Variants in NUDT13 observed in about 807,000 individuals in gnomAD.
The protein encoded by NUDT13 is nudix hydrolase 13.
A neutral mutation model predicts 41.7 loss-of-function variants in NUDT13; 40 were observed. The observed-to-expected ratio is 0.96, with a 90% confidence interval of 0.75 to 1.25. The LOEUF is 1.25. NUDT13 is among the 50% of genes most tolerant of loss of function. The pLI is 0.00. For missense variants in NUDT13, 390 were observed against 416.1 expected, an observed-to-expected ratio of 0.94 and a Z score of 0.55; for synonymous variants, 145 against 155.5, an observed-to-expected ratio of 0.93 and a Z score of 0.50.
At chr10:73,123,879 G>C (rs1311377478) in intron 4 of NUDT13, among the ~76,000 whole-genome samples, 1 of 151,964 alleles carries the variant, frequency 6.6e-6, no homozygotes, top group Non-Finnish European at 1.5e-5. Context: ...GGCTGGTCTC[G>C]AACTCCTGAC....
rs1842741319 is a variant in NUDT13 at position 73,125,222 on chromosome 10, T to A, written c.570T>A (p.Asn190Lys). Reference sequence around the variant, plus strand: ...GCAGCAAGCGTGTGTGCCCTTCCAATAATATAATCTATTATCCACAGGTAA... The same window carrying A: ...GCAGCAAGCGTGTGTGCCCTTCCAAAAATATAATCTATTATCCACAGGTAA... ...VAGSKRVCPS[N>K]NIIYYPQMAP... The change falls in exon 6 of 9, where the codon AAT becomes AAA. Residue 190 changes from asparagine to lysine, a missense_variant. Coordinates refer to ENST00000357321, the MANE Select transcript of NUDT13 (RefSeq NM_015901.6). 1 of 1,611,626 alleles carries A rather than the reference T, an allele frequency of 6.2e-7. No individual in the cohort carries two copies. The highest frequency in any genetic ancestry group is 8.5e-7 in the Non-Finnish European group (1 of 1,179,390).
rs773609984 is a variant in NUDT13 at position 73,125,472 on chromosome 10, G to A, written c.666G>A (p.Lys222=). Reference sequence around the variant, plus strand: ...TTGCCCGCCAAAGCTCCTTTCCCAAGGGAATGTATTCTGCCTTGGCAGGTT... The same window carrying A: ...TTGCCCGCCAAAGCTCCTTTCCCAAAGGAATGTATTCTGCCTTGGCAGGTT... ...CLLARQSSFP[K]GMYSALAGFC... The change falls in exon 7 of 9, where the codon AAG becomes AAA. Residue 222 remains lysine (K), a synonymous_variant. Transcript: ENST00000357321. 9.9e-6 allele frequency: 16 copies of A among 1,610,658 alleles called. No homozygotes were observed. The highest frequency in any genetic ancestry group is 1.4e-5 in the Non-Finnish European group (16 of 1,178,758).
At chr10:73,114,313 T>G in intron 1 of NUDT13, 44 bp from the exon 2 acceptor site, 1 of 1,003,172 alleles carries the variant, frequency 1.0e-6, no homozygotes, top group Non-Finnish European at 1.5e-6. Flanking sequence ...ACTTTAAATT[T>G]CATATTATGA....
rs981482394 is a variant in NUDT13 at position 73,125,476 on chromosome 10, A to G, written c.670A>G (p.Met224Val). The G allele has an allele frequency of 6.2e-7, 1 of 1,609,540 alleles. No homozygotes were observed. The highest frequency in any genetic ancestry group is 8.5e-7 in the Non-Finnish European group (1 of 1,178,204). ...LARQSSFPKG[M>V]YSALAGFCDI... ...CCGCCAAAGCTCCTTTCCCAAGGGA[A>G]TGTATTCTGCCTTGGCAGGTTTTTG... The change falls in exon 7 of 9, where the codon ATG (methionine) becomes GTG (valine). Residue 224 changes from methionine to valine, a missense_variant. Physicochemically the swap from Met to Val is conservative, Grantham distance 21. Transcript: ENST00000357321.
At chr10:73,129,033 T>G (rs1026988687) in intron 8 of NUDT13, among the ~76,000 whole-genome samples, 2 of 152,114 alleles carry the variant, frequency 1.3e-5, no homozygotes, top group Non-Finnish European at 2.9e-5. Context: ...GTCTTACATA[T>G]AGTAGGCGCA....
rs780872714 is a variant in NUDT13 at position 73,125,262 on chromosome 10, G to C, written c.591+19G>C. ...TCCACAGGTAATTATTGCTGTAAGA[G>C]GACAGTAATCCAAGAAGACTGTGCG... On this transcript the variant is annotated intron_variant, in intron 6 of 8. Transcript: ENST00000357321. 2.5e-6 allele frequency: 4 copies of C among 1,606,888 alleles called. No individual in the cohort carries two copies. The highest frequency in any genetic ancestry group is 2.7e-5 in the African/African-American group (2 of 74,484).
At position 73,130,925 on chromosome 10, in the gene NUDT13, C is replaced by T. The variant is rs769750242; in HGVS notation, c.*22C>T. ...TTAGCCCGGATCAAGTCACTTAGAT[C>T]GCTCCTTGGTATTCCTGAGGGACAA... On this transcript the variant is annotated 3_prime_UTR_variant, in exon 9 of 9. Coordinates refer to ENST00000357321, the MANE Select transcript of NUDT13 (RefSeq NM_015901.6). 1.6e-5 allele frequency: 25 copies of T among 1,595,276 alleles called. No individual in the cohort carries two copies. The East Asian group carries it at 2.5e-4, about 16-fold the overall frequency.
At chr10:73,117,858 CTAAA>C (rs988625319) in intron 2 of NUDT13, among the ~76,000 whole-genome samples, 6 of 152,118 alleles carry the variant, frequency 3.9e-5, no homozygotes, top group African/African-American at 1.4e-4. Context: ...TTAAAATAAT[CTAAA>C]TATTTTCAAC....
At chr10:73,119,868 C>A in intron 2 of NUDT13, 150 bp from the exon 3 acceptor site, 1 of 801,374 alleles carries the variant, frequency 1.2e-6, no homozygotes, top group Non-Finnish European at 2.0e-6. Context: ...ATAGCCACCT[C>A]AAACCCTTTT....
At chr10:73,113,620 C>G (rs1229985278) in intron 1 of NUDT13, among the ~76,000 whole-genome samples, 1 of 152,086 alleles carries the variant, frequency 6.6e-6, no homozygotes, top group Non-Finnish European at 1.5e-5. Context: ...TTAAGGGACC[C>G]TGAATAAAGT....
chr10:73,125,651 TTATATATATATATA>T (rs57047791), intron 7 of NUDT13, 142 bp downstream of exon 7: 12 of 196,462 alleles, frequency 6.1e-5, no homozygotes, highest in East Asian at 4.4e-4. Flanking sequence ...TTCTGGCATT[TTATATATATATATA>T]TATATATATA....
chr10:73,111,301 A>G (rs1229119343), intron 1 of NUDT13, among the ~76,000 whole-genome samples: 1 of 152,118 alleles, frequency 6.6e-6, no homozygotes, highest in East Asian at 1.9e-4. Context: ...CTTAAATACT[A>G]GGGAACCTGG....
chr10:73,115,106 A>C (rs1842475883), intron 2 of NUDT13: 1 of 152,100 alleles, frequency 6.6e-6, no homozygotes, highest in African/African-American at 2.4e-5. Context: ...CACATACCTG[A>C]CCTAAATGCA....
chr10:73,130,692 A>G lies in NUDT13; in HGVS notation c.859-11A>G, dbSNP rs561997723. On this transcript the variant is annotated splice_polypyrimidine_tract_variant and intron_variant, in intron 8 of 8. Transcript: ENST00000357321. The stretch of plus-strand genomic sequence containing the variant: ...CTGACCTTACATCCTTTTCTTCCTT[A>G]TGTCTTTCAGATCCAGGTGAACTTG... 3.1e-6 allele frequency: 5 copies of G among 1,611,280 alleles called. No homozygotes were observed. In the African/African-American group the frequency reaches 4.0e-5, roughly 13 times the overall value.
At chr10:73,114,287 C>T in intron 1 of NUDT13, 70 bp from the exon 2 acceptor site, 1 of 688,768 alleles carries the variant, frequency 1.5e-6, no homozygotes, top group Non-Finnish European at 2.4e-6. Context: ...AAGTATAACC[C>T]TCTTGGCAAT....
At position 73,126,822 on chromosome 10, in the gene NUDT13, A is replaced by G; in HGVS notation, c.853A>G (p.Thr285Ala). ...ACHATVKPGQ[T>A]EIQVNLRELE... is the part of the protein sequence containing the mutation. ...CCATGCAACTGTGAAACCAGGGCAG[A>G]CAGAAGTAAGTTCTCATCTTCCCTT... Residue 285 changes from threonine to alanine, a missense_variant, in exon 8 of 9, where the codon ACA becomes GCA. Physicochemically the swap from Thr to Ala is moderately conservative, Grantham distance 58. Coordinates refer to ENST00000357321, the MANE Select transcript of NUDT13 (RefSeq NM_015901.6). The G allele has an allele frequency of 1.2e-6, 2 of 1,614,058 alleles. No homozygotes were observed. Among genetic ancestry groups the G allele is most frequent in the Non-Finnish European group, 1.7e-6 (2 of 1,179,902 alleles).
chr10:73,115,508 T>G (rs1842486387), intron 2 of NUDT13, among the ~76,000 whole-genome samples: 1 of 152,064 alleles, frequency 6.6e-6, no homozygotes, highest in Non-Finnish European at 1.5e-5. Flanking sequence ...TCCAATAATA[T>G]CTAAAATATC....
intron 4 of NUDT13, among the ~76,000 whole-genome samples, chr10:73,123,358 G>T (rs1272753797): frequency 6.6e-6 from 1 of 152,194 alleles, no homozygotes; most frequent in Non-Finnish European, 1.5e-5. Flanking sequence ...CATGGCTCCT[G>T]TCAGGCTTTC....
intron 2 of NUDT13, among the ~76,000 whole-genome samples, chr10:73,119,054 CT>C (rs958448539): frequency 1.3e-5 from 2 of 150,292 alleles, no homozygotes. Context: ...CCTTTGTTTT[CT>C]TTTTTTTTGA....
Sources: gnomAD v4.1 joint callset for allele counts (sites outside exome capture counted in the v4.1 genomes callset) on GRCh38, gnomAD v4.1.1 for gene constraint, MANE v1.5 for transcripts, NCBI Gene and HGNC (gene_info 2026-07-23, HGNC 2026-07-21) for gene names.